TPO: variants seen among roughly 807,000 people sequenced by gnomAD.
TPO encodes thyroid peroxidase.
In TPO, 78 loss-of-function variants were observed where a neutral mutation model predicts 96.9. That is an observed-to-expected ratio of 0.81 (90% CI 0.67 to 0.97). The LOEUF (loss-of-function observed/expected upper bound fraction) is 0.97. Among genes scored for constraint, TPO ranks in the 50% least tolerant of loss-of-function variants. The pLI is 0.00. For missense variants in TPO, 1,252 were observed against 1,274.8 expected, an observed-to-expected ratio of 0.98 and a Z score of 0.27; for synonymous variants, 547 against 538.0, an observed-to-expected ratio of 1.02 and a Z score of -0.23.
chr2:1,478,375 T>C (rs971446885), intron 8 of TPO: 15 of 985,206 alleles, frequency 1.5e-5, no homozygotes, highest in Non-Finnish European at 1.1e-5. Flanking sequence ...CTGGGCATCG[T>C]GTCTGCAGTC....
chr2:1,409,188 C>T (rs891143077), upstream of TPO, among the ~76,000 whole-genome samples: 2 of 152,148 alleles, frequency 1.3e-5, no homozygotes, highest in Non-Finnish European at 2.9e-5. Flanking sequence ...ACTGCTGTCC[C>T]CAGATTCCAG....
chr2:1,378,915 G>A (rs77450882), intron 1 of TPO, among the ~76,000 whole-genome samples: 3,960 of 152,234 alleles, frequency 0.026, 115 homozygotes, highest in South Asian at 0.12. Context: ...TCTCAAAGGC[G>A]GCTCACTGAA....
chr2:1,538,137 TCTCAAATACCCCATACTGTGTACAACCTC>T (rs1303407032), intron 15 of TPO, among the ~76,000 whole-genome samples: 2 of 106,192 alleles, frequency 1.9e-5, no homozygotes, highest in Non-Finnish European at 4.2e-5. Context: ...TGTTCAACCT[TCTCAAATACCCCATACTGTGTACAACCTC>T]CTCAAATCCC....
At chr2:1,475,928 G>A (rs1282386563) in intron 7 of TPO, among the ~76,000 whole-genome samples, 1 of 151,846 alleles carries the variant, frequency 6.6e-6, no homozygotes, top group East Asian at 2.0e-4. Flanking sequence ...TCACCACAAG[G>A]CCGACTCCCT....
At chr2:1,467,807 T>C (rs1400917572) in intron 7 of TPO, among the ~76,000 whole-genome samples, 2 of 151,778 alleles carry the variant, frequency 1.3e-5, no homozygotes, top group East Asian at 3.9e-4. Context: ...CCACTATTAC[T>C]GTGTTGCTGT....
chr2:1,464,130 G>A (rs984698066), intron 7 of TPO, among the ~76,000 whole-genome samples: 6 of 152,170 alleles, frequency 3.9e-5, no homozygotes, highest in Non-Finnish European at 5.9e-5. Context: ...TGTCACTTAT[G>A]AGTGAGAACA....
At chr2:1,465,842 A>G (rs932990659) in intron 7 of TPO, among the ~76,000 whole-genome samples, 4 of 152,260 alleles carry the variant, frequency 2.6e-5, no homozygotes, top group South Asian at 2.1e-4. Context: ...TCATTAGCAA[A>G]CAGCAACAGT....
At chr2:1,395,495 A>AT (rs1662065930) in intron 1 of TPO, among the ~76,000 whole-genome samples, 1 of 152,300 alleles carries the variant, frequency 6.6e-6, no homozygotes, top group Non-Finnish European at 1.5e-5. Context: ...AATGCTACGT[A>AT]TTTTTTGATA....
At chr2:1,446,466 T>TTA (rs1317572843) in intron 5 of TPO, among the ~76,000 whole-genome samples, 1 of 152,140 alleles carries the variant, frequency 6.6e-6, no homozygotes, top group Non-Finnish European at 1.5e-5. Context: ...CCAATCCCCG[T>TTA]CACTGTGATC....
intron 15 of TPO, among the ~76,000 whole-genome samples, chr2:1,536,786 T>C (rs892124152): frequency 1.6e-4 from 8 of 49,492 alleles, no homozygotes; most frequent in South Asian, 7.6e-4. Flanking sequence ...TCTCCCCAAA[T>C]CCCCCGCAAT....
In TPO at chr2:1,461,298, C is replaced by T. The variant is rs535452573; in HGVS notation, c.819+5016C>T. On this transcript the variant is annotated intron_variant, in intron 7 of 16. Transcript: ENST00000329066. ...CAATACTCAGTTATGTGGATGGCTGCGTTCGTATAAAGATAAATATATTAA... is the reference window on the plus strand; with the variant it reads ...CAATACTCAGTTATGTGGATGGCTGTGTTCGTATAAAGATAAATATATTAA... 1.6e-4 allele frequency among the ~76,000 whole-genome samples: 25 copies of T among 152,284 alleles called. No homozygotes were observed. In the South Asian group the frequency reaches 4.6e-3, roughly 28 times the overall value.
chr2:1,452,571 G>C (rs1484562932), intron 5 of TPO, among the ~76,000 whole-genome samples: 1 of 152,196 alleles, frequency 6.6e-6, no homozygotes, highest in Non-Finnish European at 1.5e-5. Flanking sequence ...CTGCTCCTGT[G>C]ACTATGTCGC....
intron 5 of TPO, 86 bp from the exon 6 acceptor site, chr2:1,453,608 C>A: frequency 6.2e-7 from 1 of 1,606,222 alleles, no homozygotes; most frequent in Non-Finnish European, 8.5e-7. Flanking sequence ...CTTATTCTCC[C>A]TGAGAATGGT....
Position 1,436,385 on chromosome 2 carries a change from GTA to G in TPO, c.482+3_482+4del, listed in dbSNP as rs1355522149. 1 of 1,614,042 alleles carries G rather than the reference GTA, an allele frequency of 6.2e-7. No homozygotes were observed. Among genetic ancestry groups the G allele is most frequent in the Non-Finnish European group, 8.5e-7 (1 of 1,180,042 alleles). ...CCATCACAGGAGCTTGCAACAACAG[GTA>G]TTGTTTGTGGATTTTCTTAATCTTC... On this transcript the variant is annotated splice_donor_variant and splice_donor_region_variant and intron_variant, in intron 5 of 16. Coordinates refer to ENST00000329066, the MANE Select transcript of TPO (RefSeq NM_001206744.2). LOFTEE classifies it high-confidence loss of function.
upstream of TPO, among the ~76,000 whole-genome samples, chr2:1,409,529 C>A (rs920110719): frequency 3.3e-5 from 5 of 152,248 alleles, no homozygotes; most frequent in Middle Eastern, 3.4e-3. Context: ...CTTCACCCAC[C>A]TGCTCAGTGT....
chr2:1,425,582 T>C (rs190715100), intron 3 of TPO, among the ~76,000 whole-genome samples: 15 of 152,176 alleles, frequency 9.9e-5, no homozygotes, highest in Admixed American at 4.6e-4. Context: ...CTGAGCTCCT[T>C]CTATGCAGTC....
At chr2:1,438,435 G>A (rs1330743272) in intron 5 of TPO, among the ~76,000 whole-genome samples, 1 of 152,134 alleles carries the variant, frequency 6.6e-6, no homozygotes, top group Non-Finnish European at 1.5e-5. Flanking sequence ...AGCTCCTTGG[G>A]TTCTAGGTTT....
chr2:1,496,304 T>A, intron 12 of TPO, 107 bp downstream of exon 12: 1 of 1,365,636 alleles, frequency 7.3e-7, no homozygotes, highest in Non-Finnish European at 1.0e-6. Flanking sequence ...TAGAAAATAG[T>A]GTCAACGCCC....
At chr2:1,429,866 CAAAGA>C (rs1489541091) in intron 3 of TPO, among the ~76,000 whole-genome samples, 1 of 152,040 alleles carries the variant, frequency 6.6e-6, no homozygotes, top group African/African-American at 2.4e-5. Flanking sequence ...GATATGAGAG[CAAAGA>C]AATGATTTGT....
Sources: gnomAD v4.1 joint callset for allele counts (sites outside exome capture counted in the v4.1 genomes callset) on GRCh38, gnomAD v4.1.1 for gene constraint, MANE v1.5 for transcripts, NCBI Gene and HGNC (gene_info 2026-07-23, HGNC 2026-07-21) for gene names.